PPP1R12A: variants seen among roughly 807,000 people sequenced by gnomAD.
PPP1R12A encodes the protein myosin binding subunit.
PPP1R12A carries 19 observed loss-of-function variants against 139.6 expected under a neutral mutation model. That is an observed-to-expected ratio of 0.14 (90% CI 0.09 to 0.20). The LOEUF (loss-of-function observed/expected upper bound fraction) is 0.20, where lower values mean the gene tolerates loss of function less well. PPP1R12A is among the 10% of genes least tolerant of loss of function. The probability of loss-of-function intolerance (pLI) is 1.00; values close to 1 mark genes in which losing one functional copy is unlikely to be tolerated. For synonymous variants in PPP1R12A, 427 were observed against 420.6 expected (o/e 1.02, Z -0.19); for missense variants, 925 against 1,211.5 (o/e 0.76, Z 3.51).
At chr12:79,813,108 T>G (rs1404550348) in intron 9 of PPP1R12A, among the ~76,000 whole-genome samples, 1 of 152,224 alleles carries the variant, frequency 6.6e-6, no homozygotes, top group African/African-American at 2.4e-5. Flanking sequence ...ACTTATCAAA[T>G]AAATTATAAA....
At chr12:79,908,243 A>G (rs1315187327) in intron 1 of PPP1R12A, among the ~76,000 whole-genome samples, 1 of 152,218 alleles carries the variant, frequency 6.6e-6, no homozygotes, top group African/African-American at 2.4e-5. Context: ...CAGGGCGAGG[A>G]TCCAAAGCAC....
intron 2 of PPP1R12A, among the ~76,000 whole-genome samples, chr12:79,865,999 C>T (rs781044629): frequency 9.9e-5 from 15 of 152,098 alleles, no homozygotes; most frequent in East Asian, 1.9e-4. Context: ...AAAAAAGAGC[C>T]GGCATAGCCA....
chr12:79,845,199 TCATGAAA>T lies in PPP1R12A; in HGVS notation c.487+96_487+102del. 4.7e-6 allele frequency: 4 copies of T among 848,210 alleles called. No homozygotes were observed. In the Admixed American group the frequency reaches 7.1e-5, roughly 15 times the overall value. 52.5% of individuals were successfully genotyped at this position (848,210 alleles called of 1,614,324 possible). ...GTTTTGCAAGCTGAATTCATTTTTT[TCATGAAA>T]TTATGATTGCCCTTCAATGTCAACA... On this transcript the variant is annotated intron_variant, in intron 3 of 24. Transcript: ENST00000450142.
chr12:79,906,989 T>G (rs1353664190), intron 1 of PPP1R12A, among the ~76,000 whole-genome samples: 1 of 152,180 alleles, frequency 6.6e-6, no homozygotes, highest in Non-Finnish European at 1.5e-5. Flanking sequence ...TGATTCTACA[T>G]AAATTATCTC....
At chr12:79,900,945 A>C (rs984662154) in intron 1 of PPP1R12A, among the ~76,000 whole-genome samples, 4 of 152,338 alleles carry the variant, frequency 2.6e-5, no homozygotes, top group African/African-American at 7.2e-5. Context: ...TGTGAAGAGA[A>C]TCCTTCATAC....
intron 8 of PPP1R12A, among the ~76,000 whole-genome samples, chr12:79,820,032 A>G (rs1045909797): frequency 2.0e-5 from 3 of 148,924 alleles, no homozygotes; most frequent in Non-Finnish European, 2.9e-5. Context: ...TTCCTACCAT[A>G]TGAAAAAAAC....
rs115139173 is a variant in PPP1R12A, at chr12:79,805,407, C to T, written c.2000+185G>A. On this transcript the variant is annotated intron_variant, in intron 14 of 24. Coordinates refer to ENST00000450142, the MANE Select transcript of PPP1R12A (RefSeq NM_002480.3). ...AACATTAATTCTGTCAGAGGTGAGTCGCAAAGCCTAAATATAAATAATTGC... is the reference window on the plus strand; with the variant it reads ...AACATTAATTCTGTCAGAGGTGAGTTGCAAAGCCTAAATATAAATAATTGC... 5.2e-3 allele frequency among the ~76,000 whole-genome samples: 785 copies of T among 152,258 alleles called. 4 individuals carry two copies. The highest frequency in any genetic ancestry group is 0.018 in the African/African-American group (734 of 41,550).
intron 3 of PPP1R12A, among the ~76,000 whole-genome samples, chr12:79,836,008 A>T (rs1437434850): frequency 6.6e-6 from 1 of 152,148 alleles, no homozygotes; most frequent in African/African-American, 2.4e-5. Context: ...TATTTTTAAA[A>T]CTCCAAGATT....
intron 4 of PPP1R12A, among the ~76,000 whole-genome samples, chr12:79,829,740 G>A (rs1877195230): frequency 6.6e-6 from 1 of 151,994 alleles, no homozygotes; most frequent in Admixed American, 6.6e-5. Context: ...AGAGAAAAAC[G>A]CTGTTCCCCA....
intron 3 of PPP1R12A, among the ~76,000 whole-genome samples, chr12:79,837,892 C>T (rs1442861519): frequency 1.3e-5 from 2 of 152,256 alleles, no homozygotes; most frequent in African/African-American, 2.4e-5. Context: ...TACCCACTCT[C>T]GGGTACTTTT....
chr12:79,808,985 A>C (rs1451715266), intron 10 of PPP1R12A, among the ~76,000 whole-genome samples: 19 of 152,288 alleles, frequency 1.2e-4, no homozygotes, highest in Non-Finnish European at 2.5e-4. Flanking sequence ...TTGATAATCA[A>C]TGCTCTCAAA....
At chr12:79,847,995 G>A (rs778564469) in intron 2 of PPP1R12A, among the ~76,000 whole-genome samples, 5 of 152,150 alleles carry the variant, frequency 3.3e-5, no homozygotes, top group Non-Finnish European at 7.4e-5. Context: ...AGAGATAGAG[G>A]AAGAGAGATT....
intron 1 of PPP1R12A, among the ~76,000 whole-genome samples, chr12:79,903,408 A>G (rs1885818304): frequency 6.6e-6 from 1 of 151,698 alleles, no homozygotes. Flanking sequence ...CTGAGATCAC[A>G]GCACTGCACT....
At chr12:79,929,709 C>T (rs910972184) in intron 1 of PPP1R12A, among the ~76,000 whole-genome samples, 2 of 150,982 alleles carry the variant, frequency 1.3e-5, no homozygotes, top group Non-Finnish European at 2.9e-5. Context: ...GCGGAGTTTG[C>T]AGTAAGCCAA....
rs1381287635 is a variant in PPP1R12A at position 79,774,016 on chromosome 12, C to G, written c.*1913G>C. The G allele has an allele frequency of 6.6e-6, 1 of 151,990 alleles. No homozygotes were observed. Among genetic ancestry groups the G allele is most frequent in the East Asian group, 1.9e-4 (1 of 5,178 alleles). 9.4% of individuals were successfully genotyped at this position (151,990 alleles called of 1,614,324 possible). On this transcript the variant is annotated 3_prime_UTR_variant, in exon 25 of 25. Coordinates refer to ENST00000450142, the MANE Select transcript of PPP1R12A (RefSeq NM_002480.3). ...ATACAAAACACTAAAATATTAGAAACATGTATTTAATCATTCTTCACAGGC... is the reference window on the plus strand; with the variant it reads ...ATACAAAACACTAAAATATTAGAAAGATGTATTTAATCATTCTTCACAGGC...
chr12:79,867,029 T>C (rs777073545), intron 2 of PPP1R12A, among the ~76,000 whole-genome samples: 7 of 152,328 alleles, frequency 4.6e-5, no homozygotes, highest in South Asian at 2.1e-4. Flanking sequence ...CATATGTTTA[T>C]TGCAGCACTA....
intron 3 of PPP1R12A, among the ~76,000 whole-genome samples, chr12:79,841,569 A>C (rs1284335829): frequency 6.6e-6 from 1 of 152,210 alleles, no homozygotes; most frequent in Non-Finnish European, 1.5e-5. Flanking sequence ...CAGTTACGCT[A>C]GCAATTTCCC....
At chr12:79,782,640 G>GA (rs781100474) in intron 22 of PPP1R12A, 624 of 402,848 alleles carry the variant, frequency 1.5e-3, no homozygotes, top group African/African-American at 2.6e-3. Flanking sequence ...AACAAAAAAA[G>GA]AAAAAAAAAG....
intron 1 of PPP1R12A, chr12:79,913,754 A>G (rs1466255473): frequency 6.6e-6 from 1 of 152,206 alleles, no homozygotes; most frequent in Non-Finnish European, 1.5e-5. Flanking sequence ...GACTTGTATT[A>G]AATCTGTGAT....
Sources: gnomAD v4.1 joint callset for allele counts (sites outside exome capture counted in the v4.1 genomes callset) on GRCh38, gnomAD v4.1.1 for gene constraint, MANE v1.5 for transcripts, NCBI Gene and HGNC (gene_info 2026-07-23, HGNC 2026-07-21) for gene names.